The following GDPD5 variants were observed in gnomAD, a reference collection of about 807,000 sequenced individuals.
GDPD5 encodes the protein glycerophosphodiester phosphodiesterase 2.
GDPD5 carries 48 observed loss-of-function variants against 75.1 expected under a neutral mutation model. The ratio of observed to expected loss-of-function variants is 0.64; its 90% CI spans 0.51 to 0.81. The LOEUF (loss-of-function observed/expected upper bound fraction) is 0.81, where lower values mean the gene tolerates loss of function less well. Among genes scored for constraint, GDPD5 ranks in the 40% least tolerant of loss-of-function variants. The pLI, the probability that GDPD5 is intolerant of heterozygous loss-of-function variation, is 0.00. For missense variants in GDPD5, 706 were observed against 822.6 expected (o/e 0.86, Z 1.73); for synonymous variants, 336 against 339.0 (o/e 0.99, Z 0.10).
At chr11:75,491,241 C>G (rs1950102869) in intron 1 of GDPD5, among the ~76,000 whole-genome samples, 1 of 152,232 alleles carries the variant, frequency 6.6e-6, no homozygotes, top group South Asian at 2.1e-4. Flanking sequence ...TTGAGACACT[C>G]CCAGGCCTGC....
In GDPD5 at chr11:75,439,960, G is replaced by C; in HGVS notation, c.1475C>G (p.Pro492Arg). The part of the protein sequence containing the change: ...SQVPSPLWIM[P>R]PDEYCLMWVT... ...CCACATGAGACAGTACTCGTCCGGG[G>C]GCTGTGGACAGACGGCCCGAGGCCA... Residue 492 changes from proline (P) to arginine (R), a missense_variant and splice_region_variant, in exon 15 of 17, where the codon CCC becomes CGC. By Grantham distance (103) the Pro-to-Arg change is moderately radical (BLOSUM62 -2). Coordinates refer to ENST00000336898, the MANE Select transcript of GDPD5 (RefSeq NM_030792.8). 6.2e-7 allele frequency: 1 copy of C among 1,611,660 alleles called. No homozygotes were observed. Among genetic ancestry groups the C allele is most frequent in the Middle Eastern group, 1.7e-4 (1 of 6,046 alleles).
intron 1 of GDPD5, among the ~76,000 whole-genome samples, chr11:75,497,190 C>G (rs1950226709): frequency 6.6e-6 from 1 of 151,890 alleles, no homozygotes; most frequent in Admixed American, 6.6e-5. Flanking sequence ...ATCTAGTCAC[C>G]AACGCACATT....
intron 8 of GDPD5, 118 bp downstream of exon 8, chr11:75,449,399 T>G: frequency 1.1e-6 from 1 of 951,272 alleles, no homozygotes; most frequent in South Asian, 1.6e-5. Context: ...CCTCACTGAG[T>G]GCAGGGGCCC....
intron 1 of GDPD5, among the ~76,000 whole-genome samples, chr11:75,491,467 A>G (rs1006201228): frequency 2.0e-5 from 3 of 152,168 alleles, no homozygotes; most frequent in African/African-American, 7.2e-5. Context: ...AACCTAGGGA[A>G]CTTGTTAAAA....
chr11:75,466,882 C>T (rs1275384640), intron 3 of GDPD5, among the ~76,000 whole-genome samples: 1 of 152,102 alleles, frequency 6.6e-6, no homozygotes, highest in East Asian at 1.9e-4. Flanking sequence ...GATTTGAACC[C>T]AGGCATACTG....
At chr11:75,457,431 C>T (rs1476887234) in intron 5 of GDPD5, among the ~76,000 whole-genome samples, 1 of 152,220 alleles carries the variant, frequency 6.6e-6, no homozygotes, top group African/African-American at 2.4e-5. Flanking sequence ...ATTAATGTGC[C>T]ATATGTAGCC....
intron 1 of GDPD5, among the ~76,000 whole-genome samples, chr11:75,493,191 G>A (rs623338): frequency 0.6 from 89,400 of 150,112 alleles, 27,424 homozygotes; most frequent in East Asian, 0.79. Flanking sequence ...CCCACCCCCC[G>A]AACACCCTTA....
chr11:75,448,698 TC>T, intron 9 of GDPD5: 6 of 1,147,478 alleles, frequency 5.2e-6, no homozygotes, highest in Non-Finnish European at 6.4e-6. Flanking sequence ...TCCTGGGCCT[TC>T]CTAACTGGCA....
At chr11:75,441,880 T>C in intron 12 of GDPD5, 77 bp from the exon 13 acceptor site, 14 of 1,426,634 alleles carry the variant, frequency 9.8e-6, no homozygotes, top group Non-Finnish European at 1.3e-5. Flanking sequence ...CTAGAGCACC[T>C]GTGGGGTTAA....
rs1263954394 is a variant in GDPD5 at position 75,443,109 on chromosome 11, T to A, written c.948+27A>T. On this transcript the variant is annotated intron_variant, in intron 11 of 16. Transcript: ENST00000336898. Reference sequence around the variant, plus strand: ...AGTCCCTGCTGGTGTTTTCCATGCCTAAGATTGGGATCAGGTGCAGCCAGA... The same window carrying A: ...AGTCCCTGCTGGTGTTTTCCATGCCAAAGATTGGGATCAGGTGCAGCCAGA... 2.5e-6 allele frequency: 4 copies of A among 1,586,586 alleles called. No homozygotes were observed. The African/African-American group carries it at 5.4e-5, about 21-fold the overall frequency.
intron 2 of GDPD5, among the ~76,000 whole-genome samples, chr11:75,484,942 CA>C (rs1275143047): frequency 2.0e-5 from 3 of 152,160 alleles, no homozygotes; most frequent in Admixed American, 1.3e-4. Flanking sequence ...AGATTGCAAA[CA>C]TGGGCCTGAA....
intron 3 of GDPD5, among the ~76,000 whole-genome samples, chr11:75,470,624 C>A (rs1463681034): frequency 6.6e-6 from 1 of 152,064 alleles, no homozygotes; most frequent in Non-Finnish European, 1.5e-5. Context: ...ACTAGAATTT[C>A]TTTTACATCT....
At chr11:75,483,046 A>G (rs1592122368) in intron 2 of GDPD5, among the ~76,000 whole-genome samples, 1 of 152,078 alleles carries the variant, frequency 6.6e-6, no homozygotes. Context: ...GACTCTCTCC[A>G]CCATCCCTCA....
chr11:75,508,454 A>T (rs927850905), intron 1 of GDPD5: 1 of 152,180 alleles, frequency 6.6e-6, no homozygotes, highest in African/African-American at 2.4e-5. Flanking sequence ...GCATCTTAAA[A>T]TGAGGCCAGC....
intron 1 of GDPD5, among the ~76,000 whole-genome samples, chr11:75,496,416 A>G (rs1197454267): frequency 3.3e-5 from 5 of 152,206 alleles, no homozygotes; most frequent in African/African-American, 1.2e-4. Flanking sequence ...GAGCCAGGAG[A>G]CCTGGCTTTT....
intron 1 of GDPD5, among the ~76,000 whole-genome samples, chr11:75,493,634 T>C (rs1950154771): frequency 6.6e-6 from 1 of 152,092 alleles, no homozygotes; most frequent in Non-Finnish European, 1.5e-5. Flanking sequence ...ATGGGTCGTG[T>C]TGCTGCTGAG....
chr11:75,450,833 G>C (rs1021868277), intron 6 of GDPD5: 6 of 150,556 alleles, frequency 4.0e-5, no homozygotes, highest in African/African-American at 1.5e-4. Context: ...CGAAGCCCAG[G>C]TTGTGGCTCT....
At chr11:75,500,794 C>T (rs75910053) in intron 1 of GDPD5, among the ~76,000 whole-genome samples, 1,967 of 152,256 alleles carry the variant, frequency 0.013, 47 homozygotes, top group African/African-American at 0.045. Flanking sequence ...GAATCACCCT[C>T]CCCATCTCCC....
At chr11:75,442,861 CCT>C in intron 11 of GDPD5, 1 of 602,002 alleles carries the variant, frequency 1.7e-6, no homozygotes, top group Non-Finnish European at 2.9e-6. Flanking sequence ...AGAGCCAACC[CCT>C]CTCTAGAGTT....
Sources: allele counts gnomAD v4.1 joint callset (sites outside exome capture counted in the v4.1 genomes callset), GRCh38; gene constraint gnomAD v4.1.1; transcripts MANE v1.5; gene names NCBI Gene and HGNC (gene_info 2026-07-23, HGNC 2026-07-21).